ZNFX1: variants seen among roughly 807,000 people sequenced by gnomAD.
ZNFX1 encodes the protein zinc finger NFX1-type containing 1.
ZNFX1 carries 78 observed loss-of-function variants against 179.8 expected under a neutral mutation model. The observed-to-expected ratio is 0.43, with a 90% CI of 0.36 to 0.52. The LOEUF (loss-of-function observed/expected upper bound fraction) is 0.52. Among genes scored for constraint, ZNFX1 ranks in the 20% least tolerant of loss-of-function variants. ZNFX1 has a pLI of 0.00. For synonymous variants in ZNFX1, 848 were observed against 868.5 expected, an observed-to-expected ratio of 0.98 and a Z score of 0.42; for missense variants, 1,927 against 2,386.6, an observed-to-expected ratio of 0.81 and a Z score of 4.01.
rs1600982960 is a variant in ZNFX1, at chr20:49,248,419, T to C, written c.4605A>G (p.Pro1535=). The change falls in exon 14 of 14, where the codon CCA becomes CCG. Residue 1535 remains proline (P), a synonymous_variant. Coordinates refer to ENST00000396105, the MANE Select transcript of ZNFX1 (RefSeq NM_021035.3). The surrounding 1 kb of genome is among the most constrained non-coding windows in gnomAD (Gnocchi z 4.6). ...GCAGCTTAGTACAAGGCACATAGCA[T>C]GGGGGTCGGTTGCAGGGCTCAGAGC... ...KLCSEPCNRP[P]CYVPCTKLLV... is the part of the protein sequence containing the mutation. 15 of 1,607,980 alleles carry C rather than the reference T, an allele frequency of 9.3e-6. No individual in the cohort carries two copies. Among genetic ancestry groups the C allele is most frequent in the Non-Finnish European group, 1.3e-5 (15 of 1,176,398 alleles).
intron 11 of ZNFX1, among the ~76,000 whole-genome samples, chr20:49,253,232 C>T (rs1980887675): frequency 6.6e-6 from 1 of 152,126 alleles, no homozygotes; most frequent in South Asian, 2.1e-4. Flanking sequence ...TTGTGGGCCA[C>T]TTTAAGAAGC....
At chr20:49,268,572 G>A (rs568847495) in intron 3 of ZNFX1, among the ~76,000 whole-genome samples, 1 of 152,082 alleles carries the variant, frequency 6.6e-6, no homozygotes, top group Non-Finnish European at 1.5e-5. Context: ...ACTATCAACA[G>A]AATAAACAGA....
chr20:49,256,176 C>A (rs1299879656), intron 8 of ZNFX1, among the ~76,000 whole-genome samples: 2 of 152,152 alleles, frequency 1.3e-5, no homozygotes, highest in Non-Finnish European at 2.9e-5. Context: ...GTTGTGGGAC[C>A]TAGTAAGGTA....
intron 1 of ZNFX1, among the ~76,000 whole-genome samples, chr20:49,277,353 G>A (rs1221488916): frequency 2.0e-5 from 3 of 151,744 alleles, no homozygotes; most frequent in African/African-American, 7.3e-5. Flanking sequence ...GGGTTATGGG[G>A]GCCTTGGGGA....
At position 49,275,165 on chromosome 20, in the gene ZNFX1, G is replaced by GCTT. The variant is rs529555085; in HGVS notation, c.61+611_61+613dup. ...TAAAAAATAAAAACTTATGCTCTTG[G>GCTT]CTTACATTGTTTCTATTGGATGCTG... On this transcript the variant is annotated intron_variant, in intron 2 of 13. Transcript: ENST00000396105. 1.4e-3 allele frequency among the ~76,000 whole-genome samples: 215 copies of GCTT among 152,068 alleles called. 1 individual carries two copies. The highest frequency in any genetic ancestry group is 2.6e-3 in the Admixed American group (40 of 15,286).
chr20:49,250,491 A>T (rs171131), intron 13 of ZNFX1, among the ~76,000 whole-genome samples: 103,933 of 152,092 alleles, frequency 0.68, 36,460 homozygotes, highest in Non-Finnish European at 0.78. Context: ...TATTTATTTT[A>T]AAAAAAGAGA....
chr20:49,262,210 T>C (rs542272475), intron 6 of ZNFX1, among the ~76,000 whole-genome samples: 46 of 149,436 alleles, frequency 3.1e-4, no homozygotes, highest in African/African-American at 1.0e-3. Flanking sequence ...AGGTCAGGAG[T>C]TCAAGACCAG....
intron 6 of ZNFX1, among the ~76,000 whole-genome samples, chr20:49,260,806 C>T (rs1043694626): frequency 4.6e-5 from 7 of 152,072 alleles, no homozygotes; most frequent in Admixed American, 2.6e-4. Flanking sequence ...AAAGACTGGG[C>T]GTGGTGGCTT....
rs764515352 is a variant in ZNFX1, at chr20:49,248,772, GACC to G, written c.4249_4251del (p.Gly1417del). 6.2e-6 allele frequency: 10 copies of G among 1,614,098 alleles called. No individual in the cohort carries two copies. Among genetic ancestry groups the G allele is most frequent in the South Asian group, 5.5e-5 (5 of 91,088 alleles). ...CCACCATACAGGAGGCCTTCCACAT[GACC>G]ACATTTTACCGGTTGACTGTGCCCA... On this transcript the variant is annotated inframe_deletion, in exon 14 of 14. Transcript: ENST00000396105. The surrounding 1 kb of genome is among the most constrained non-coding windows in gnomAD (Gnocchi z 4.6).
In ZNFX1 at chr20:49,271,768, T is replaced by G. The variant is rs372705515; in HGVS notation, c.62-18A>C. On this transcript the variant is annotated intron_variant, in intron 2 of 13. Transcript: ENST00000396105. Reference sequence around the variant, plus strand: ...CACAGGGCCTAAACACAATGAAATATTGAGTAACCACAAGAACCAAGTTCT... The same window carrying G: ...CACAGGGCCTAAACACAATGAAATAGTGAGTAACCACAAGAACCAAGTTCT... 6.3e-7 allele frequency: 1 copy of G among 1,575,508 alleles called. No individual in the cohort carries two copies. The highest frequency in any genetic ancestry group is 1.4e-5 in the African/African-American group (1 of 73,176).
chr20:49,272,772 C>T (rs185954227), intron 2 of ZNFX1, among the ~76,000 whole-genome samples: 3 of 152,292 alleles, frequency 2.0e-5, no homozygotes, highest in African/African-American at 7.2e-5. Flanking sequence ...TTTGAGCTAA[C>T]AGACTATGAA....
At chr20:49,277,020 TA>T (rs889455280) in intron 1 of ZNFX1, among the ~76,000 whole-genome samples, 1 of 150,948 alleles carries the variant, frequency 6.6e-6, no homozygotes, top group Admixed American at 6.6e-5. Flanking sequence ...AAAAAGATGT[TA>T]AAAAAAAGGC....
At position 49,252,823 on chromosome 20, in the gene ZNFX1, G is replaced by C; in HGVS notation, c.3113C>G (p.Pro1038Arg). 1 of 1,613,852 alleles carries C rather than the reference G, an allele frequency of 6.2e-7. No homozygotes were observed. The highest frequency in any genetic ancestry group is 8.5e-7 in the Non-Finnish European group (1 of 1,179,802). ...ILIGDHQQLRPSANVYDLAKN... is the reference protein window; with the variant it reads ...ILIGDHQQLRRSANVYDLAKN... ...GGCCAGATCATACACGTTGGCACTG[G>C]GGCGCAGCTGAGAAGAGAAACATGG... The change falls in exon 12 of 14, where the codon CCC becomes CGC. Residue 1038 changes from proline to arginine, a missense_variant. Physicochemically the swap from Pro to Arg is moderately radical, Grantham distance 103. Transcript: ENST00000396105.
At chr20:49,259,129 AAT>A (rs1568984454) in intron 7 of ZNFX1, among the ~76,000 whole-genome samples, 1 of 149,176 alleles carries the variant, frequency 6.7e-6, no homozygotes, top group Non-Finnish European at 1.5e-5. Context: ...TAAATAAATA[AAT>A]AAATAAATAA....
chr20:49,263,528 C>G, intron 5 of ZNFX1, 45 bp from the exon 6 acceptor site: 1 of 1,549,518 alleles, frequency 6.5e-7, no homozygotes, highest in African/African-American at 1.4e-5. Context: ...ATATCATCAT[C>G]CCCCAAACTC....
Position 49,259,115 on chromosome 20 carries a change from A to T in ZNFX1, c.2416+1348T>A, listed in dbSNP as rs557435820. Among the ~76,000 whole-genome samples the T allele has an allele frequency of 9.9e-4, 140 of 142,088 alleles. 3 individuals carry two copies. The East Asian group carries it at 0.017, about 18-fold the overall frequency. 93.2% of individuals were successfully genotyped at this position (142,088 alleles called of 152,430 possible). A position where few individuals can be genotyped will look rare whatever the true frequency, so the allele number is the denominator to read the frequency against. On this transcript the variant is annotated intron_variant, in intron 7 of 13. Coordinates refer to ENST00000396105, the MANE Select transcript of ZNFX1 (RefSeq NM_021035.3). The stretch of plus-strand genomic sequence containing the variant: ...AGACTGTGAGACTCAGTCTCAAAAA[A>T]AAATAAATAAATAAATAAATAAATA...
chr20:49,266,049 T>G, intron 4 of ZNFX1, 86 bp downstream of exon 4: 1 of 1,488,424 alleles, frequency 6.7e-7, no homozygotes, highest in African/African-American at 1.4e-5. Context: ...TTGACTTTGT[T>G]TGAAGAGCAA....
chr20:49,268,856 C>T (rs1981310645), intron 3 of ZNFX1, among the ~76,000 whole-genome samples: 1 of 152,174 alleles, frequency 6.6e-6, no homozygotes, highest in Non-Finnish European at 1.5e-5. Context: ...CAAAAAATAA[C>T]AGATGCTAGT....
chr20:49,273,119 T>A (rs774733831), intron 2 of ZNFX1, among the ~76,000 whole-genome samples: 1 of 152,126 alleles, frequency 6.6e-6, no homozygotes, highest in Non-Finnish European at 1.5e-5. Flanking sequence ...TTGCATTTTG[T>A]AGAGAATTTT....
Sources: gnomAD v4.1 joint callset for allele counts (sites outside exome capture counted in the v4.1 genomes callset) on GRCh38, gnomAD v4.1.1 for gene constraint, Gnocchi (gnomAD v3.1) non-coding constraint, MANE v1.5 for transcripts, NCBI Gene and HGNC (gene_info 2026-07-23, HGNC 2026-07-21) for gene names.